The following ZNF507 variants were observed in gnomAD, a reference collection of about 807,000 sequenced individuals.
ZNF507 encodes the protein zinc finger protein 507.
Under a neutral mutation model 80.0 loss-of-function variants are expected in ZNF507, and 29 were observed. The ratio of observed to expected loss-of-function variants is 0.36; its 90% CI spans 0.27 to 0.49. The LOEUF is 0.49. Among genes scored for constraint, ZNF507 ranks in the 20% least tolerant of loss-of-function variants. The pLI is 0.98. For synonymous variants in ZNF507, 462 were observed against 422.5 expected (o/e 1.09, Z -1.15); for missense variants, 1,081 against 1,152.2 (o/e 0.94, Z 0.90).
intron 3 of ZNF507, among the ~76,000 whole-genome samples, chr19:32,355,575 C>G (rs2145319433): frequency 6.6e-6 from 1 of 152,242 alleles, no homozygotes; most frequent in Middle Eastern, 3.4e-3. Context: ...AACCAATATC[C>G]TGTATGAAGT....
intron 2 of ZNF507, among the ~76,000 whole-genome samples, chr19:32,348,664 G>C (rs1219314813): frequency 6.6e-6 from 1 of 152,072 alleles, no homozygotes; most frequent in Non-Finnish European, 1.5e-5. Flanking sequence ...TTCTGGTTTG[G>C]GATACAACTT....
At chr19:32,346,448 A>G (rs909412238) in intron 1 of ZNF507, among the ~76,000 whole-genome samples, 1 of 152,172 alleles carries the variant, frequency 6.6e-6, no homozygotes, top group Middle Eastern at 3.2e-3. Context: ...GTAATTTGCT[A>G]TCAGTCTGCA....
intron 5 of ZNF507, among the ~76,000 whole-genome samples, chr19:32,374,147 C>T (rs1967512134): frequency 7.0e-6 from 1 of 142,014 alleles, no homozygotes; most frequent in South Asian, 2.3e-4. Context: ...ATTCATGCAG[C>T]TCGGAACCGT....
At chr19:32,374,052 T>G (rs1399155660) in intron 5 of ZNF507, among the ~76,000 whole-genome samples, 1 of 152,190 alleles carries the variant, frequency 6.6e-6, no homozygotes, top group Non-Finnish European at 1.5e-5. Context: ...TACTCACAGT[T>G]CGTATTCCCA....
chr19:32,353,914 C>G lies in ZNF507; in HGVS notation c.1084C>G (p.Leu362Val). 1.9e-6 allele frequency: 3 copies of G among 1,614,088 alleles called. No individual in the cohort carries two copies. The highest frequency in any genetic ancestry group is 2.5e-6 in the Non-Finnish European group (3 of 1,180,030). Residue 362 changes from leucine (L) to valine (V), a missense_variant, in exon 3 of 7, where the codon CTA (leucine) becomes GTA (valine). Leu to Val is a conservative substitution (Grantham distance 32). Transcript: ENST00000355898. ...CCTGGACCCCAATGAGGAAGAAATGCTAGAAGTGATTTCTGATGCAGAGGA... is the reference window on the plus strand; with the variant it reads ...CCTGGACCCCAATGAGGAAGAAATGGTAGAAGTGATTTCTGATGCAGAGGA... ...VTLDPNEEEM[L>V]EVISDAEENL...
chr19:32,374,730 C>T (rs1967523654), intron 5 of ZNF507, among the ~76,000 whole-genome samples: 1 of 152,184 alleles, frequency 6.6e-6, no homozygotes, highest in Admixed American at 6.5e-5. Context: ...GATCCACCCA[C>T]CTCAGCCTCC....
At chr19:32,372,462 C>T (rs911385739) in intron 5 of ZNF507, among the ~76,000 whole-genome samples, 6 of 152,086 alleles carry the variant, frequency 3.9e-5, no homozygotes, top group African/African-American at 1.4e-4. Flanking sequence ...CCAGATCACC[C>T]ACAACGCTCC....
intron 2 of ZNF507, among the ~76,000 whole-genome samples, chr19:32,350,078 C>T (rs1967142408): frequency 6.6e-6 from 1 of 152,070 alleles, no homozygotes; most frequent in African/African-American, 2.4e-5. Context: ...ACTTGACACA[C>T]AATCTCATAT....
At chr19:32,360,772 T>C (rs1967312040) in intron 5 of ZNF507, 154 bp downstream of exon 5, 1 of 435,276 alleles carries the variant, frequency 2.3e-6, no homozygotes, top group African/African-American at 2.1e-5. Context: ...GTTTTATATA[T>C]TTACTTATTT....
intron 5 of ZNF507, among the ~76,000 whole-genome samples, chr19:32,370,116 A>G (rs1967450309): frequency 6.6e-6 from 1 of 152,220 alleles, no homozygotes; most frequent in South Asian, 2.1e-4. Flanking sequence ...GTGTGTGCGC[A>G]CGCGCGTGCA....
chr19:32,371,931 G>A (rs1452719594), intron 5 of ZNF507, among the ~76,000 whole-genome samples: 2 of 152,042 alleles, frequency 1.3e-5, no homozygotes, highest in East Asian at 1.9e-4. Context: ...GAGCCACCAC[G>A]CCCAGTCCAT....
Position 32,383,188 on chromosome 19 carries a change from G to T in ZNF507, c.*105G>T. 6.9e-7 allele frequency: 1 copy of T among 1,447,320 alleles called. No individual in the cohort carries two copies. The highest frequency in any genetic ancestry group is 2.6e-4 in the Middle Eastern group (1 of 3,872). 89.7% of individuals were successfully genotyped at this position (1,447,320 alleles called of 1,614,324 possible). A position where few individuals can be genotyped will look rare whatever the true frequency, so the allele number is the denominator to read the frequency against. Reference sequence around the variant, plus strand: ...TCCTGCCACAGAAGAAGTCGTTGATGTGATTTTTGAGGAAATGACAGATGT... The same window carrying T: ...TCCTGCCACAGAAGAAGTCGTTGATTTGATTTTTGAGGAAATGACAGATGT... On this transcript the variant is annotated 3_prime_UTR_variant, in exon 7 of 7. Coordinates refer to ENST00000355898, the MANE Select transcript of ZNF507 (RefSeq NM_001136156.2).
At chr19:32,356,950 A>G (rs1003642353) in intron 4 of ZNF507, 32 of 462,854 alleles carry the variant, frequency 6.9e-5, no homozygotes, top group Non-Finnish European at 1.2e-4. Flanking sequence ...CCTAGATAGT[A>G]AGGATTCATC....
chr19:32,356,703 G>A lies in ZNF507; in HGVS notation c.2215G>A (p.Asp739Asn), dbSNP rs1449194367. The A allele has an allele frequency of 6.2e-7, 1 of 1,613,978 alleles. No individual in the cohort carries two copies. The highest frequency in any genetic ancestry group is 1.3e-5 in the African/African-American group (1 of 75,048). ...TTCTAATGAGCCAAGAATTTCCAGT[G>A]ATACAGCTGATGGAAAATGTGTCCA... ...ATSNEPRISS[D>N]TADGKCVQEG... Residue 739 changes from aspartate to asparagine, a missense_variant, in exon 4 of 7, where the codon GAT (aspartate) becomes AAT (asparagine). Physicochemically the swap from Asp to Asn is conservative, Grantham distance 23. Transcript: ENST00000355898.
rs183146565 is a variant in ZNF507, at chr19:32,362,061, G to A, written c.2360+1443G>A. On this transcript the variant is annotated intron_variant, in intron 5 of 6. Transcript: ENST00000355898. ...AGCCTCCCAAGTAGCTGGGACCACA[G>A]GCATGTGCCATGATTAGCTAATTAG... is the stretch of plus-strand genomic sequence containing the variant. Among the ~76,000 whole-genome samples, 84 of 152,244 alleles carry A rather than the reference G, an allele frequency of 5.5e-4. 1 individual carries two copies. Among genetic ancestry groups the A allele is most frequent in the Non-Finnish European group, 1.1e-3 (74 of 68,012 alleles).
At chr19:32,374,249 A>G (rs1324926457) in intron 5 of ZNF507, among the ~76,000 whole-genome samples, 1 of 151,222 alleles carries the variant, frequency 6.6e-6, no homozygotes, top group Non-Finnish European at 1.5e-5. Flanking sequence ...ATTTTATTCC[A>G]TTGCTGTTAT....
rs1280995670 is a variant in ZNF507 at position 32,383,717 on chromosome 19, A to C, written c.*634A>C. The C allele has an allele frequency of 6.6e-6, 1 of 152,250 alleles. No individual in the cohort carries two copies. Among genetic ancestry groups the C allele is most frequent in the East Asian group, 1.9e-4 (1 of 5,196 alleles). 9.4% of individuals were successfully genotyped at this position (152,250 alleles called of 1,614,324 possible). ...TCTCTAAATTCAAAGCTAGATTGTA[A>C]ATAGGCATTCAAGAAGTATTGTCTT... On this transcript the variant is annotated 3_prime_UTR_variant, in exon 7 of 7. Transcript: ENST00000355898.
In ZNF507 at chr19:32,355,985, C is replaced by T. The variant is rs113413417; in HGVS notation, c.2128-631C>T. Among the ~76,000 whole-genome samples the T allele has an allele frequency of 2.3e-4, 35 of 152,020 alleles. 1 individual carries two copies. Among genetic ancestry groups the T allele is most frequent in the African/African-American group, 6.8e-4 (28 of 41,458 alleles). On this transcript the variant is annotated intron_variant, in intron 3 of 6. Coordinates refer to ENST00000355898, the MANE Select transcript of ZNF507 (RefSeq NM_001136156.2). ...CTGCACTCCAGCCTGGGCAACAGAG[C>T]GAGACTCCATCTCAAAAAAAAAGGT...
At chr19:32,378,007 A>G (rs778514240) in intron 5 of ZNF507, among the ~76,000 whole-genome samples, 3 of 152,096 alleles carry the variant, frequency 2.0e-5, no homozygotes, top group Non-Finnish European at 4.4e-5. Flanking sequence ...CCTGAGGGAC[A>G]TTTTACAAAA....
Sources: allele counts gnomAD v4.1 joint callset (sites outside exome capture counted in the v4.1 genomes callset), GRCh38; gene constraint gnomAD v4.1.1; transcripts MANE v1.5; gene names NCBI Gene and HGNC (gene_info 2026-07-23, HGNC 2026-07-21).